ERBB4: variants seen among roughly 807,000 people sequenced by gnomAD.
ERBB4 encodes receptor tyrosine-protein kinase erbB-4.
Under a neutral mutation model 158.0 loss-of-function variants are expected in ERBB4, and 42 were observed. The observed-to-expected ratio is 0.27, with a 90% CI of 0.21 to 0.34. ERBB4 has a LOEUF of 0.34. Among genes scored for constraint, ERBB4 ranks in the 10% least tolerant of loss-of-function variants. The probability of loss-of-function intolerance (pLI) is 1.00; values close to 1 mark genes in which losing one functional copy is unlikely to be tolerated. For missense variants in ERBB4, 1,333 were observed against 1,624.1 expected (o/e 0.82, Z 3.08); for synonymous variants, 583 against 558.7 (o/e 1.04, Z -0.61).
At chr2:212,355,774 G>A (rs1467378971) in intron 1 of ERBB4, among the ~76,000 whole-genome samples, 3 of 151,796 alleles carry the variant, frequency 2.0e-5, no homozygotes, top group African/African-American at 7.3e-5. Flanking sequence ...GTGTATTTAT[G>A]TATATATGTA....
At chr2:212,150,159 A>G (rs2125626242) in intron 1 of ERBB4, among the ~76,000 whole-genome samples, 1 of 152,312 alleles carries the variant, frequency 6.6e-6, no homozygotes, top group South Asian at 2.1e-4. Flanking sequence ...TCTGGGGGCA[A>G]GAAATCCTCC....
chr2:211,980,820 T>C (rs2081770958), intron 2 of ERBB4, among the ~76,000 whole-genome samples: 1 of 152,138 alleles, frequency 6.6e-6, no homozygotes, highest in Admixed American at 6.5e-5. Context: ...TAGGTCAAAG[T>C]TCATAATTAA....
At chr2:211,517,309 T>G (rs2125630715) in intron 20 of ERBB4, among the ~76,000 whole-genome samples, 1 of 152,260 alleles carries the variant, frequency 6.6e-6, no homozygotes, top group African/African-American at 2.4e-5. Context: ...CATTCAATTT[T>G]TATAAAGTTG....
intron 14 of ERBB4, among the ~76,000 whole-genome samples, chr2:211,671,463 T>C (rs2071835951): frequency 6.6e-6 from 1 of 152,020 alleles, no homozygotes; most frequent in Non-Finnish European, 1.5e-5. Context: ...ATCTAGAAAA[T>C]TGTAATAAGA....
chr2:211,902,654 A>C (rs374463408), intron 3 of ERBB4, among the ~76,000 whole-genome samples: 2 of 151,866 alleles, frequency 1.3e-5, no homozygotes, highest in East Asian at 3.9e-4. Context: ...ATTGAGAAGC[A>C]AATTTACTGG....
At chr2:212,509,537 ATTG>A (rs1357130715) in intron 1 of ERBB4, among the ~76,000 whole-genome samples, 2 of 152,012 alleles carry the variant, frequency 1.3e-5, no homozygotes, top group Non-Finnish European at 2.9e-5. Context: ...TACATCATGC[ATTG>A]TTACTATTAA....
intron 1 of ERBB4, among the ~76,000 whole-genome samples, chr2:212,246,920 C>A (rs953968252): frequency 1.3e-5 from 2 of 152,056 alleles, no homozygotes; most frequent in South Asian, 4.1e-4. Context: ...TTTGGGAATG[C>A]CTTATGTCTC....
chr2:212,340,333 G>C (rs1574720197), intron 1 of ERBB4, among the ~76,000 whole-genome samples: 1 of 152,146 alleles, frequency 6.6e-6, no homozygotes, highest in African/African-American at 2.4e-5. Context: ...AGACAGAATA[G>C]GGAAGATGGT....
rs977143724 is a variant in ERBB4 at position 211,424,068 on chromosome 2, T to C, written c.2866+87A>G. ...GTTTTTGAACTGTCGTATTTTTCAA[T>C]ACAGAGAAATGTTGTACAGATTGAG... On this transcript the variant is annotated intron_variant, in intron 23 of 27. Coordinates refer to ENST00000342788, the MANE Select transcript of ERBB4 (RefSeq NM_005235.3). The C allele has an allele frequency of 3.8e-6, 5 of 1,329,930 alleles. No homozygotes were observed. In the African/African-American group the frequency reaches 7.2e-5, roughly 19 times the overall value. The allele number at this position is 1,329,930 out of a possible 1,614,324, so 82.4% of individuals were successfully genotyped here.
chr2:211,630,730 G>A (rs920869754), intron 16 of ERBB4, 136 bp from the exon 17 acceptor site: 12 of 822,420 alleles, frequency 1.5e-5, no homozygotes, highest in East Asian at 7.9e-5. Flanking sequence ...AAATATAAAA[G>A]TGCATTAGGT....
chr2:211,817,779 T>C (rs2076909798), intron 3 of ERBB4, among the ~76,000 whole-genome samples: 1 of 152,168 alleles, frequency 6.6e-6, no homozygotes, highest in African/African-American at 2.4e-5. Flanking sequence ...ATCTTTCCCA[T>C]TTCCTGTTCC....
intron 2 of ERBB4, among the ~76,000 whole-genome samples, chr2:211,969,966 T>C (rs1184277115): frequency 1.3e-5 from 2 of 152,094 alleles, no homozygotes; most frequent in Admixed American, 6.6e-5. Context: ...TCTAATTCTT[T>C]TAGTTGTGAT....
chr2:211,466,200 C>A (rs187025982), intron 20 of ERBB4, among the ~76,000 whole-genome samples: 1 of 152,132 alleles, frequency 6.6e-6, no homozygotes, highest in East Asian at 1.9e-4. Flanking sequence ...GTCTTTGTGT[C>A]CTCCAGGCCG....
chr2:211,934,982 T>C (rs2080280006), intron 3 of ERBB4, among the ~76,000 whole-genome samples: 1 of 138,934 alleles, frequency 7.2e-6, no homozygotes, highest in Non-Finnish European at 1.6e-5. Flanking sequence ...TGAATAATTT[T>C]ATGCATCCCC....
intron 12 of ERBB4, among the ~76,000 whole-genome samples, chr2:211,689,002 T>C (rs1156549905): frequency 6.6e-6 from 1 of 151,868 alleles, no homozygotes. Flanking sequence ...TATGACATTT[T>C]ATCTTCTTAT....
chr2:211,991,917 G>C (rs2082083047), intron 2 of ERBB4, among the ~76,000 whole-genome samples: 1 of 152,134 alleles, frequency 6.6e-6, no homozygotes, highest in African/African-American at 2.4e-5. Flanking sequence ...CTATGTTGAG[G>C]CACAGCAGAT....
At chr2:211,557,800 A>G (rs1172112210) in intron 20 of ERBB4, among the ~76,000 whole-genome samples, 1 of 152,212 alleles carries the variant, frequency 6.6e-6, no homozygotes, top group Non-Finnish European at 1.5e-5. Flanking sequence ...TAACTCTATT[A>G]TAAAGACACA....
At chr2:211,747,258 T>G (rs1038008417) in intron 5 of ERBB4, among the ~76,000 whole-genome samples, 1 of 152,184 alleles carries the variant, frequency 6.6e-6, no homozygotes, top group African/African-American at 2.4e-5. Context: ...ACTAATGCTT[T>G]GTTTGGGTAG....
chr2:212,213,723 A>G (rs2083007228), intron 1 of ERBB4, among the ~76,000 whole-genome samples: 2 of 152,032 alleles, frequency 1.3e-5, no homozygotes, highest in South Asian at 2.1e-4. Flanking sequence ...CTTCAAAAGC[A>G]GGGTGAAGGG....
Sources: allele counts gnomAD v4.1 joint callset (sites outside exome capture counted in the v4.1 genomes callset), GRCh38; gene constraint gnomAD v4.1.1; transcripts MANE v1.5; gene names NCBI Gene and HGNC (gene_info 2026-07-23, HGNC 2026-07-21).